Variants in PRKN observed in about 807,000 individuals in gnomAD.
The protein encoded by PRKN is E3 ubiquitin-protein ligase parkin.
In PRKN, 56 loss-of-function variants were observed where a neutral mutation model predicts 59.5. That is an observed-to-expected ratio of 0.94 (90% CI 0.76 to 1.18). PRKN has a LOEUF of 1.18. Ranked by LOEUF, PRKN falls within the 50% of genes most tolerant of loss-of-function variation. PRKN has a pLI of 0.00. For missense variants in PRKN, 657 were observed against 596.4 expected (o/e 1.10, Z -1.06); for synonymous variants, 250 against 222.1 (o/e 1.13, Z -1.12).
chr6:162,208,336 C>A (rs1030576773), intron 3 of PRKN, among the ~76,000 whole-genome samples: 3 of 152,158 alleles, frequency 2.0e-5, no homozygotes, highest in Non-Finnish European at 4.4e-5. Context: ...AGTGAATGTA[C>A]TTCTAAAAAA....
intron 6 of PRKN, among the ~76,000 whole-genome samples, chr6:161,960,731 A>C (rs535252904): frequency 6.6e-5 from 10 of 152,326 alleles, no homozygotes; most frequent in African/African-American, 2.2e-4. Flanking sequence ...CAGAAAGTCA[A>C]TCTGTCTTGC....
chr6:161,891,257 GAT>G (rs1795332958), intron 6 of PRKN, among the ~76,000 whole-genome samples: 1 of 152,148 alleles, frequency 6.6e-6, no homozygotes, highest in Non-Finnish European at 1.5e-5. Context: ...TGGCTGATAG[GAT>G]CACAGCCAAG....
intron 7 of PRKN, among the ~76,000 whole-genome samples, chr6:161,731,261 T>C (rs2128188387): frequency 6.6e-6 from 1 of 152,376 alleles, no homozygotes; most frequent in South Asian, 2.1e-4. Flanking sequence ...TCCATGGGTG[T>C]GAAGCACATG....
chr6:161,729,069 A>G (rs1787567956), intron 7 of PRKN, among the ~76,000 whole-genome samples: 1 of 152,268 alleles, frequency 6.6e-6, no homozygotes, highest in African/African-American at 2.4e-5. Flanking sequence ...GAATTAACAT[A>G]CAACAATTAT....
chr6:161,693,268 T>C (rs1165015967), intron 7 of PRKN, among the ~76,000 whole-genome samples: 1 of 152,190 alleles, frequency 6.6e-6, no homozygotes, highest in Non-Finnish European at 1.5e-5. Context: ...AGATTTTTTC[T>C]GTCTTTTAAT....
At chr6:162,049,423 T>A (rs951233269) in intron 5 of PRKN, among the ~76,000 whole-genome samples, 3 of 151,858 alleles carry the variant, frequency 2.0e-5, no homozygotes, top group African/African-American at 7.3e-5. Flanking sequence ...AGTGAAAGAG[T>A]TGAGCTCACA....
chr6:162,115,099 T>C (rs912212012), intron 4 of PRKN, among the ~76,000 whole-genome samples: 3 of 152,092 alleles, frequency 2.0e-5, no homozygotes, highest in African/African-American at 7.2e-5. Flanking sequence ...CCAACCCAAA[T>C]GTCCAACAAT....
chr6:162,090,964 C>G (rs1459460812), intron 4 of PRKN, among the ~76,000 whole-genome samples: 2 of 152,136 alleles, frequency 1.3e-5, no homozygotes, highest in African/African-American at 4.8e-5. Flanking sequence ...TTTACACTTG[C>G]CAGTATAATA....
chr6:162,281,533 C>T (rs1156328078), intron 2 of PRKN, among the ~76,000 whole-genome samples: 1 of 152,096 alleles, frequency 6.6e-6, no homozygotes, highest in Admixed American at 6.6e-5. Flanking sequence ...CTATATCCTA[C>T]ACATAGCTTA....
rs398003250 is a variant in PRKN, at chr6:162,647,949, C to CAAAAAAAAAAAAAAAA, written c.7+79697_7+79712dup. 2.5e-4 allele frequency among the ~76,000 whole-genome samples: 19 copies of CAAAAAAAAAAAAAAAA among 75,646 alleles called. 5 individuals are homozygous for CAAAAAAAAAAAAAAAA. Among genetic ancestry groups the CAAAAAAAAAAAAAAAA allele is most frequent in the Admixed American group, 3.4e-4 (2 of 5,826 alleles). 49.6% of individuals were successfully genotyped at this position (75,646 alleles called of 152,430 possible). On this transcript the variant is annotated intron_variant, in intron 1 of 11. Coordinates refer to ENST00000366898, the MANE Select transcript of PRKN (RefSeq NM_004562.3). The stretch of plus-strand genomic sequence containing the variant: ...GAACCATCTCTATATGTCCACAGTG[C>CAAAAAAAAAAAAAAAA]AAAAAAAAAAAAAAAAAAAAAAAAA...
At chr6:161,778,708 G>A (rs1252720154) in intron 7 of PRKN, among the ~76,000 whole-genome samples, 1 of 152,052 alleles carries the variant, frequency 6.6e-6, no homozygotes, top group Non-Finnish European at 1.5e-5. Flanking sequence ...GGTCAGCCAA[G>A]AACCTCCAGA....
At chr6:162,450,316 C>CT (rs1467532285) in intron 1 of PRKN, among the ~76,000 whole-genome samples, 1 of 119,384 alleles carries the variant, frequency 8.4e-6, no homozygotes, top group African/African-American at 5.2e-5. Flanking sequence ...TATGAACGCC[C>CT]GTGAATGTAA....
intron 2 of PRKN, among the ~76,000 whole-genome samples, chr6:162,413,865 C>G (rs2128155885): frequency 6.6e-6 from 1 of 152,230 alleles, no homozygotes; most frequent in East Asian, 1.9e-4. Flanking sequence ...ATGCTGGGCC[C>G]TAAGGGCAAT....
At chr6:162,571,056 G>C (rs560214517) in intron 1 of PRKN, 1 of 152,066 alleles carries the variant, frequency 6.6e-6, no homozygotes, top group African/African-American at 2.4e-5. Context: ...GGGCACAGTG[G>C]CTCATGCCTA....
rs189206476 is a variant in PRKN at position 162,150,547 on chromosome 6, G to A, written c.534+50584C>T. Among the ~76,000 whole-genome samples, 382 of 152,276 alleles carry A rather than the reference G, an allele frequency of 2.5e-3. 1 individual carries two copies. The highest frequency in any genetic ancestry group is 8.8e-3 in the African/African-American group (365 of 41,560). ...TTGAAAAAGACGCACTCCAGAAAAC[G>A]CAGCACAGTATGGATTTTGCAACAG... is the stretch of plus-strand genomic sequence containing the variant. On this transcript the variant is annotated intron_variant, in intron 4 of 11. Coordinates refer to ENST00000366898, the MANE Select transcript of PRKN (RefSeq NM_004562.3).
intron 5 of PRKN, among the ~76,000 whole-genome samples, chr6:162,052,989 A>T (rs1269684941): frequency 1.3e-5 from 2 of 152,132 alleles, no homozygotes; most frequent in Non-Finnish European, 2.9e-5. Context: ...AATTACACTT[A>T]AGAATTCTGC....
intron 6 of PRKN, among the ~76,000 whole-genome samples, chr6:161,825,267 C>T (rs372086773): frequency 6.6e-6 from 1 of 152,138 alleles, no homozygotes; most frequent in South Asian, 2.1e-4. Context: ...TATGATTTTC[C>T]TGGTATCTAC....
chr6:161,732,208 C>A (rs1397732330), intron 7 of PRKN, among the ~76,000 whole-genome samples: 1 of 151,796 alleles, frequency 6.6e-6, no homozygotes. Flanking sequence ...TGCCTCAGCT[C>A]CCTGAGTAGC....
At chr6:162,142,169 G>GA (rs796133827) in intron 4 of PRKN, among the ~76,000 whole-genome samples, 1 of 151,930 alleles carries the variant, frequency 6.6e-6, no homozygotes, top group Non-Finnish European at 1.5e-5. Flanking sequence ...GAAATGGATA[G>GA]AAAAAAAATG....
Sources: allele counts gnomAD v4.1 joint callset (sites outside exome capture counted in the v4.1 genomes callset), GRCh38; gene constraint gnomAD v4.1.1; transcripts MANE v1.5; gene names NCBI Gene and HGNC (gene_info 2026-07-23, HGNC 2026-07-21).